The following UBE3C variants were observed in gnomAD, a reference collection of about 807,000 sequenced individuals.
UBE3C encodes the protein ubiquitin-protein ligase E3C.
A neutral mutation model predicts 129.4 loss-of-function variants in UBE3C; 42 were observed. The observed-to-expected ratio is 0.32, with a 90% CI of 0.25 to 0.42. The LOEUF (loss-of-function observed/expected upper bound fraction) is 0.42. Among genes scored for constraint, UBE3C ranks in the 10% least tolerant of loss-of-function variants. UBE3C has a pLI of 1.00. For missense variants in UBE3C, 1,049 were observed against 1,319.1 expected (o/e 0.80, Z 3.17); for synonymous variants, 510 against 492.4 (o/e 1.04, Z -0.47).
rs192720015 is a variant in UBE3C, at chr7:157,139,015, C to T, written c.-258C>T. 5.2e-3 allele frequency: 798 copies of T among 154,222 alleles called. 8 individuals carry two copies. The highest frequency in any genetic ancestry group is 6.9e-3 in the Non-Finnish European group (480 of 69,664). 9.6% of individuals were successfully genotyped at this position (154,222 alleles called of 1,614,324 possible). On this transcript the variant is annotated 5_prime_UTR_variant, in exon 1 of 23. Coordinates refer to ENST00000348165, the MANE Select transcript of UBE3C (RefSeq NM_014671.3). ...GTTTGCTGCCCGCTGGGCGCCCCTG[C>T]AGCGGCCCGAGCTGTGGCCGGCGTG...
intron 1 of UBE3C, chr7:157,140,111 G>T: frequency 9.3e-6 from 8 of 861,714 alleles, no homozygotes; most frequent in Non-Finnish European, 1.1e-5. Context: ...GCATCAGTTG[G>T]TTCACTGGAA....
chr7:157,216,510 C>G (rs1288652016), intron 13 of UBE3C, among the ~76,000 whole-genome samples: 1 of 152,114 alleles, frequency 6.6e-6, no homozygotes, highest in East Asian at 1.9e-4. Context: ...TCCTCCCACC[C>G]TCCCCCTTCA....
At chr7:157,250,880 A>T (rs546800592) in intron 19 of UBE3C, among the ~76,000 whole-genome samples, 138 of 152,304 alleles carry the variant, frequency 9.1e-4, no homozygotes, top group Non-Finnish European at 1.7e-3. Flanking sequence ...GCCTTTGCTA[A>T]TGCGAGTATT....
At chr7:157,147,196 T>A (rs918053804) in intron 1 of UBE3C, among the ~76,000 whole-genome samples, 1 of 152,202 alleles carries the variant, frequency 6.6e-6, no homozygotes, top group Non-Finnish European at 1.5e-5. Context: ...GTTTAGTTCT[T>A]TTATTTCTTT....
intron 18 of UBE3C, among the ~76,000 whole-genome samples, chr7:157,243,244 C>G (rs1182393): frequency 0.96 from 145,509 of 152,262 alleles, 69,587 homozygotes; most frequent in East Asian, 0.99. Context: ...AGGGCAATCT[C>G]TGCAGGCTTT....
rs887292283 is a variant in UBE3C at position 157,269,160 on chromosome 7, CT to C, written c.*1411del. On this transcript the variant is annotated 3_prime_UTR_variant, in exon 23 of 23. Coordinates refer to ENST00000348165, the MANE Select transcript of UBE3C (RefSeq NM_014671.3). ...CAGAAATAAAATAATTAGGGTTGGT[CT>C]TTTTTATTTTAGGTTGTTTTATGTT... is the stretch of plus-strand genomic sequence containing the variant. 1 of 152,074 alleles carries C rather than the reference CT, an allele frequency of 6.6e-6. No homozygotes were observed. Among genetic ancestry groups the C allele is most frequent in the African/African-American group, 2.4e-5 (1 of 41,166 alleles). 9.4% of individuals were successfully genotyped at this position (152,074 alleles called of 1,614,324 possible). A position where few individuals can be genotyped will look rare whatever the true frequency, so the allele number is the denominator to read the frequency against.
intron 10 of UBE3C, among the ~76,000 whole-genome samples, chr7:157,197,063 C>A (rs1809141019): frequency 6.6e-6 from 1 of 152,154 alleles, no homozygotes; most frequent in Non-Finnish European, 1.5e-5. Context: ...GTTTCTGATA[C>A]TAGTAATATA....
intron 1 of UBE3C, among the ~76,000 whole-genome samples, chr7:157,146,709 C>T (rs1370086930): frequency 2.6e-5 from 4 of 152,144 alleles, no homozygotes; most frequent in Non-Finnish European, 5.9e-5. Flanking sequence ...GGCTGGAGTG[C>T]AGTGTTGTGA....
intron 22 of UBE3C, among the ~76,000 whole-genome samples, chr7:157,267,242 T>G (rs948851224): frequency 2.6e-5 from 4 of 152,084 alleles, no homozygotes; most frequent in Non-Finnish European, 5.9e-5. Context: ...GCCAACGTGG[T>G]GAAACCCCTT....
At chr7:157,205,617 C>G (rs911239247) in intron 11 of UBE3C, among the ~76,000 whole-genome samples, 1 of 152,162 alleles carries the variant, frequency 6.6e-6, no homozygotes, top group Admixed American at 6.5e-5. Context: ...CTGGCTTTGG[C>G]AATGAGGTAG....
chr7:157,155,279 T>C (rs1483206883), intron 1 of UBE3C, among the ~76,000 whole-genome samples: 4 of 152,188 alleles, frequency 2.6e-5, no homozygotes, highest in Non-Finnish European at 5.9e-5. Flanking sequence ...TTCTTTGAAG[T>C]GTATAAAATG....
At chr7:157,198,532 C>CTTT in intron 10 of UBE3C, 1 of 282,186 alleles carries the variant, frequency 3.5e-6, no homozygotes, top group Non-Finnish European at 6.8e-6. Context: ...CTGTATTTGT[C>CTTT]TTTTTTTTTT....
intron 4 of UBE3C, 120 bp downstream of exon 4, chr7:157,170,570 A>G (rs1000659494): frequency 1.8e-6 from 2 of 1,103,644 alleles, no homozygotes; most frequent in African/African-American, 1.6e-5. Context: ...AGGCTTTGCA[A>G]ACTTCTCAGC....
chr7:157,266,238 C>T (rs1797075266), intron 22 of UBE3C, among the ~76,000 whole-genome samples: 2 of 152,104 alleles, frequency 1.3e-5, no homozygotes, highest in South Asian at 4.1e-4. Flanking sequence ...GGCGTGAACC[C>T]GGGAGGCGGA....
rs1302994813 is a variant in UBE3C, at chr7:157,138,945, C to G, written c.-328C>G. 6.6e-6 allele frequency: 1 copy of G among 151,966 alleles called. No homozygotes were observed. The allele number at this position is 151,966 out of a possible 1,614,324, so 9.4% of individuals were successfully genotyped here. A position where few individuals can be genotyped will look rare whatever the true frequency, so the allele number is the denominator to read the frequency against. On this transcript the variant is annotated 5_prime_UTR_variant, in exon 1 of 23. Coordinates refer to ENST00000348165, the MANE Select transcript of UBE3C (RefSeq NM_014671.3). ...GGCCGCGCACGCACTGACGGCTGAC[C>G]GCCATCTTCCCTCCCGAGGCGGCAG... is the stretch of plus-strand genomic sequence containing the variant.
At chr7:157,184,157 C>A in intron 9 of UBE3C, 128 bp downstream of exon 9, 2 of 1,210,962 alleles carry the variant, frequency 1.7e-6, no homozygotes, top group East Asian at 4.9e-5. Context: ...AGAGAAGCCC[C>A]GTCAGCCCCA....
chr7:157,246,153 C>A (rs1391331804), intron 18 of UBE3C, among the ~76,000 whole-genome samples: 1 of 152,180 alleles, frequency 6.6e-6, no homozygotes, highest in Non-Finnish European at 1.5e-5. Flanking sequence ...AAATGTGAAT[C>A]TCAAGGGGTG....
intron 5 of UBE3C, 50 bp downstream of exon 5, chr7:157,175,084 G>T: frequency 8.0e-7 from 1 of 1,243,716 alleles, no homozygotes. Flanking sequence ...TGATCACCTT[G>T]TCTAGGGGAA....
chr7:157,256,960 T>G lies in UBE3C; in HGVS notation c.2997T>G (p.Val999=). Residue 999 remains valine (V), a synonymous_variant, in exon 22 of 23, where the codon GTT becomes GTG. Transcript: ENST00000348165. Reference sequence around the variant, plus strand: ...CTGTTATTAAGGTCTTCTGGAGAGTTGTGGAAGGGTTCACTGATGAAGAAA... The same window carrying G: ...CTGTTATTAAGGTCTTCTGGAGAGTGGTGGAAGGGTTCACTGATGAAGAAA... The part of the protein sequence containing the change: ...DHPVIKVFWR[V]VEGFTDEEKR... 6.2e-7 allele frequency: 1 copy of G among 1,614,212 alleles called. No individual in the cohort carries two copies. The highest frequency in any genetic ancestry group is 8.5e-7 in the Non-Finnish European group (1 of 1,180,042).
Sources: gnomAD v4.1 joint callset for allele counts (sites outside exome capture counted in the v4.1 genomes callset) on GRCh38, gnomAD v4.1.1 for gene constraint, MANE v1.5 for transcripts, NCBI Gene and HGNC (gene_info 2026-07-23, HGNC 2026-07-21) for gene names.